Variants in F8 observed in about 807,000 individuals in gnomAD.
F8 encodes antihemophilic factor.
A neutral mutation model predicts 140.6 loss-of-function variants in F8; 12 were observed. The ratio of observed to expected loss-of-function variants is 0.09; its 90% CI spans 0.05 to 0.14. The LOEUF (loss-of-function observed/expected upper bound fraction) is 0.14, where lower values mean the gene tolerates loss of function less well. Among genes scored for constraint, F8 ranks in the 10% least tolerant of loss-of-function variants. F8 has a pLI of 1.00. For missense variants in F8, 1,354 were observed against 1,720.7 expected (o/e 0.79, Z 3.77); for synonymous variants, 585 against 614.6 (o/e 0.95, Z 0.71).
At chrX:155,018,339 A>G (rs2073744989) in intron 1 of F8, among the ~76,000 whole-genome samples, 2 of 112,309 alleles carry the variant, frequency 1.8e-5, no homozygotes, top group Non-Finnish European at 3.8e-5. Flanking sequence ...CTCACTGTTC[A>G]TGTTTTCCCA....
intron 18 of F8, among the ~76,000 whole-genome samples, chrX:154,903,353 A>AT (rs1195260018): frequency 2.0e-4 from 22 of 110,915 alleles, no homozygotes; most frequent in Non-Finnish European, 4.0e-4. Flanking sequence ...CTGGCTAATT[A>AT]TTTTTTGTAG....
rs1431653979 is a variant in F8 at position 154,837,756 on chromosome X, A to G, written c.6901-4T>C. 4 of 1,209,804 alleles carry G rather than the reference A, an allele frequency of 3.3e-6. No homozygotes were observed. The highest frequency in any genetic ancestry group is 4.5e-6 in the Non-Finnish European group (4 of 893,579). ...AGTCTTGATTTCCCTGAAAAACCTG[A>G]AAGAGGAAAGATAGCATTTATTGGT... On this transcript the variant is annotated splice_region_variant and splice_polypyrimidine_tract_variant and intron_variant, in intron 25 of 25. Transcript: ENST00000360256.
At chrX:155,003,346 C>A (rs781990260) in intron 1 of F8, among the ~76,000 whole-genome samples, 1 of 108,266 alleles carries the variant, frequency 9.2e-6, no homozygotes, top group Admixed American at 9.9e-5. Flanking sequence ...TGAGACATGG[C>A]TGAGGAAAGA....
At chrX:154,876,188 C>T (rs1490497950) in intron 22 of F8, among the ~76,000 whole-genome samples, 3 of 102,298 alleles carry the variant, frequency 2.9e-5, no homozygotes, top group Non-Finnish European at 5.9e-5. Flanking sequence ...GGCGCGATCT[C>T]GGCTCACTGC....
At chrX:154,996,175 C>A (rs2073616285) in intron 3 of F8, among the ~76,000 whole-genome samples, 1 of 111,873 alleles carries the variant, frequency 8.9e-6, no homozygotes, top group South Asian at 3.7e-4. Context: ...TAAGATATAG[C>A]CAAGCCGAGA....
At chrX:154,981,695 T>C (rs782430307) in intron 6 of F8, among the ~76,000 whole-genome samples, 1 of 111,404 alleles carries the variant, frequency 9.0e-6, no homozygotes, top group East Asian at 2.8e-4. Flanking sequence ...GATGTTAAAA[T>C]CTGCTTTAAA....
At chrX:154,993,325 G>A in intron 3 of F8, among the ~76,000 whole-genome samples, 177 bp from the exon 4 acceptor site, 1 of 111,911 alleles carries the variant, frequency 8.9e-6, no homozygotes, top group East Asian at 2.8e-4. Context: ...CTGGATCTCG[G>A]CTCACAGCAA....
intron 14 of F8, among the ~76,000 whole-genome samples, chrX:154,907,037 A>G (rs1193981248): frequency 8.0e-5 from 9 of 111,936 alleles, no homozygotes; most frequent in African/African-American, 2.9e-4. Context: ...GATCAGTAAC[A>G]TTGCCAACAA....
At chrX:154,877,776 A>G (rs2072828813) in intron 22 of F8, among the ~76,000 whole-genome samples, 1 of 112,279 alleles carries the variant, frequency 8.9e-6, no homozygotes, top group Admixed American at 9.4e-5. Flanking sequence ...GTTTTAAGCC[A>G]TATTAAGTTT....
Position 154,930,773 on chromosome X carries a change from T to C in F8, c.3017A>G (p.Asp1006Gly). The C allele has an allele frequency of 1.7e-6, 2 of 1,211,372 alleles. No homozygotes were observed. The highest frequency in any genetic ancestry group is 2.2e-6 in the Non-Finnish European group (2 of 894,955). ...RAHGPALLTK[D>G]NALFKVSISL... ...GATGCTAACTTTGAATAAGGCATTA[T>C]CTTTAGTCAACAAAGCAGGTCCATG... The change falls in exon 14 of 26, where the codon GAT becomes GGT. Residue 1006 changes from aspartate to glycine, a missense_variant. By Grantham distance (94) the Asp-to-Gly change is moderately conservative. Coordinates refer to ENST00000360256, the MANE Select transcript of F8 (RefSeq NM_000132.4).
chrX:155,020,580 C>T (rs2073755584), intron 1 of F8, among the ~76,000 whole-genome samples: 1 of 111,893 alleles, frequency 8.9e-6, no homozygotes, highest in Admixed American at 9.5e-5. Flanking sequence ...AACAATAGAT[C>T]TTGGGGAAAA....
chrX:154,931,568 C>G lies in F8; in HGVS notation c.2222G>C (p.Ser741Thr), dbSNP rs782143968. The G allele has an allele frequency of 8.3e-7, 1 of 1,210,985 alleles. No homozygotes were observed. Among genetic ancestry groups the G allele is most frequent in the Admixed American group, 2.2e-5 (1 of 46,027 alleles). ...DKNTGDYYED[S>T]YEDISAYLLS... ...CAAGTATGCTGAAATATCTTCATAA[C>G]TGTCCTCGTAATAATCACCAGTGTT... The change falls in exon 14 of 26, where the codon AGT (serine) becomes ACT (threonine). Residue 741 changes from serine to threonine, a missense_variant. Around this residue, in one of 4 missense-constraint regions of F8, gnomAD observed 252 missense variants for 338.5 expected, o/e 0.74. Transcript: ENST00000360256.
intron 22 of F8, among the ~76,000 whole-genome samples, chrX:154,873,101 C>T (rs887627064): frequency 4.5e-5 from 5 of 111,418 alleles, no homozygotes; most frequent in Non-Finnish European, 7.5e-5. Flanking sequence ...AAAATGTCCA[C>T]ACTACCCAAA....
intron 6 of F8, among the ~76,000 whole-genome samples, chrX:154,980,932 C>G (rs1036856109): frequency 8.9e-6 from 1 of 112,333 alleles, no homozygotes; most frequent in Admixed American, 9.4e-5. Flanking sequence ...GATCGCACCA[C>G]TGCACTCCAA....
intron 25 of F8, among the ~76,000 whole-genome samples, chrX:154,843,756 T>C (rs184214075): frequency 2.8e-4 from 31 of 112,187 alleles, no homozygotes; most frequent in African/African-American, 9.7e-4. Flanking sequence ...TTCACTGGGA[T>C]GGTAGTTTCT....
rs782366632 is a variant in F8 at position 154,843,136 on chromosome X, A to G, written c.6901-5384T>C. ...CAAAGGACATGAACAGATCCTTTTTATGGCTGCATAGTATTCCATGGTGTA... is the reference window on the plus strand; with the variant it reads ...CAAAGGACATGAACAGATCCTTTTTGTGGCTGCATAGTATTCCATGGTGTA... On this transcript the variant is annotated intron_variant, in intron 25 of 25. Coordinates refer to ENST00000360256, the MANE Select transcript of F8 (RefSeq NM_000132.4). Among the ~76,000 whole-genome samples, 4 of 111,846 alleles carry G rather than the reference A, an allele frequency of 3.6e-5. No homozygotes were observed. The East Asian group carries it at 1.1e-3, about 31-fold the overall frequency.
chrX:154,931,371 T>C lies in F8; in HGVS notation c.2419A>G (p.Ser807Gly), dbSNP rs991132214. The C allele has an allele frequency of 1.7e-6, 2 of 1,211,026 alleles. No homozygotes were observed. Among genetic ancestry groups the C allele is most frequent in the African/African-American group, 3.5e-5 (2 of 57,804 alleles). ...PMPKIQNVSS[S>G]DLLMLLRQSP... ...TGTCGCAAGAGCATCAACAAATCAC[T>C]AGAGGAGACATTTTGTATTTTAGGC... The change falls in exon 14 of 26, where the codon AGT (serine) becomes GGT (glycine). Residue 807 changes from serine (S) to glycine (G), a missense_variant. By Grantham distance (56) the Ser-to-Gly change is moderately conservative. This residue lies in a region of F8 where 658 missense variants were observed against 666.5 expected (regional missense o/e 0.99). Transcript: ENST00000360256.
At chrX:154,944,928 C>T (rs2073294548) in intron 13 of F8, among the ~76,000 whole-genome samples, 1 of 110,292 alleles carries the variant, frequency 9.1e-6, no homozygotes, top group Admixed American at 9.7e-5. Context: ...AACAAAAAAC[C>T]AAACACTGCA....
intron 6 of F8, among the ~76,000 whole-genome samples, chrX:154,983,212 T>C (rs1557283901): frequency 8.9e-6 from 1 of 112,677 alleles, no homozygotes; most frequent in Non-Finnish European, 1.9e-5. Context: ...TTGTTTTTCA[T>C]AGAATCCTAT....
Sources: allele counts gnomAD v4.1 joint callset (sites outside exome capture counted in the v4.1 genomes callset), GRCh38; gene constraint gnomAD v4.1.1; regional missense constraint gnomAD v4.1.1; transcripts MANE v1.5; gene names NCBI Gene and HGNC (gene_info 2026-07-23, HGNC 2026-07-21).